Variants in GRAMD1B observed in about 807,000 individuals in gnomAD.
GRAMD1B encodes the protein GRAM domain containing 1B.
GRAMD1B carries 37 observed loss-of-function variants against 99.7 expected under a neutral mutation model. The ratio of observed to expected loss-of-function variants is 0.37; its 90% CI spans 0.29 to 0.49. The LOEUF is 0.49. Ranked by LOEUF, GRAMD1B falls within the 20% of genes least tolerant of loss-of-function variation. The pLI is 0.98. For missense variants in GRAMD1B, 888 were observed against 1,009.2 expected (o/e 0.88, Z 1.63); for synonymous variants, 427 against 387.6 (o/e 1.10, Z -1.19).
chr11:123,492,173 G>A lies in GRAMD1B; in HGVS notation c.452+11280G>A, dbSNP rs140000910. 7.9e-5 allele frequency among the ~76,000 whole-genome samples: 12 copies of A among 152,242 alleles called. No homozygotes were observed. The highest frequency in any genetic ancestry group is 1.2e-4 in the Non-Finnish European group (8 of 68,014). Reference sequence around the variant, plus strand: ...CTCCCAACGAGGTGCCTTGGCCTCCGGGTCCTTCTTCATAACTGGCCAGGG... The same window carrying A: ...CTCCCAACGAGGTGCCTTGGCCTCCAGGTCCTTCTTCATAACTGGCCAGGG... On this transcript the variant is annotated intron_variant, in intron 2 of 19. Transcript: ENST00000635736. The surrounding 1 kb of genome is among the most constrained non-coding windows in gnomAD (Gnocchi z 4.2).
chr11:123,613,185 G>A (rs2137004861), intron 15 of GRAMD1B: 1 of 559,012 alleles, frequency 1.8e-6, no homozygotes, highest in East Asian at 2.9e-5. Context: ...GCCTGTGAAT[G>A]CATCTATTTA....
chr11:123,612,823 A>G lies in GRAMD1B; in HGVS notation c.1982A>G (p.Lys661Arg), dbSNP rs776874803. Reference sequence around the variant, plus strand: ...GGGTTAGTGAAAACGTTCATCGAGAAGAACTTCTGGAGTGGGCTGGAGGAC... The same window carrying G: ...GGGTTAGTGAAAACGTTCATCGAGAGGAACTTCTGGAGTGGGCTGGAGGAC... ...PWGLVKTFIE[K>R]NFWSGLEDYF... The change falls in exon 15 of 20, where the codon AAG becomes AGG. Residue 661 changes from lysine (K) to arginine (R), a missense_variant. Coordinates refer to ENST00000635736, the MANE Select transcript of GRAMD1B (RefSeq NM_001387025.1). 6.2e-7 allele frequency: 1 copy of G among 1,612,314 alleles called. No homozygotes were observed.
At chr11:123,574,705 T>C (rs1283335324) in intron 2 of GRAMD1B, among the ~76,000 whole-genome samples, 1 of 152,156 alleles carries the variant, frequency 6.6e-6, no homozygotes, top group African/African-American at 2.4e-5. Flanking sequence ...TGTGGGGCAC[T>C]CATGAGACAT....
intron 2 of GRAMD1B, among the ~76,000 whole-genome samples, chr11:123,516,247 G>A (rs1226687106): frequency 1.3e-5 from 2 of 152,174 alleles, no homozygotes; most frequent in Non-Finnish European, 2.9e-5. Flanking sequence ...TCACAAAATG[G>A]ATGGAAGCTG....
intron 1 of GRAMD1B, among the ~76,000 whole-genome samples, chr11:123,420,679 C>CA (rs1204227827): frequency 6.6e-6 from 1 of 152,196 alleles, no homozygotes; most frequent in Non-Finnish European, 1.5e-5. Flanking sequence ...CATGTCTTCA[C>CA]AAACGATGAC....
intron 1 of GRAMD1B, among the ~76,000 whole-genome samples, chr11:123,413,512 AT>A (rs61376053): frequency 0.021 from 3,089 of 149,580 alleles, 135 homozygotes; most frequent in East Asian, 0.12. Context: ...ATTTGCCCAT[AT>A]TTTTTTTTTA....
chr11:123,491,927 C>T (rs1034763203), intron 2 of GRAMD1B: 1 of 399,130 alleles, frequency 2.5e-6, no homozygotes, highest in Non-Finnish European at 4.4e-6. Flanking sequence ...ACGTCTCCTC[C>T]CTGAGGAAGA....
chr11:123,379,752 G>A (rs189505352), intron 1 of GRAMD1B, among the ~76,000 whole-genome samples: 1 of 152,128 alleles, frequency 6.6e-6, no homozygotes. Flanking sequence ...TTGAGTGACC[G>A]CCAGACTATT....
intron 1 of GRAMD1B, among the ~76,000 whole-genome samples, chr11:123,367,308 G>A (rs1042798430): frequency 1.3e-5 from 2 of 152,188 alleles, no homozygotes; most frequent in Non-Finnish European, 2.9e-5. Flanking sequence ...GAAGATAAAC[G>A]TAAAGCAGAA....
At chr11:123,589,614 T>TATATATATATATATA (rs1555089174) in intron 4 of GRAMD1B, among the ~76,000 whole-genome samples, 49 of 128,256 alleles carry the variant, frequency 3.8e-4, no homozygotes, top group East Asian at 6.5e-4. Flanking sequence ...TGGCTAATTT[T>TATATATATATATATA]TATATATATA....
rs1245782413 is a variant in GRAMD1B, at chr11:123,624,376, C to T, written c.*1781C>T. 6.6e-6 allele frequency: 1 copy of T among 152,202 alleles called. No homozygotes were observed. Among genetic ancestry groups the T allele is most frequent in the East Asian group, 1.9e-4 (1 of 5,194 alleles). 9.4% of individuals were successfully genotyped at this position (152,202 alleles called of 1,614,324 possible). On this transcript the variant is annotated 3_prime_UTR_variant, in exon 20 of 20. Coordinates refer to ENST00000635736, the MANE Select transcript of GRAMD1B (RefSeq NM_001387025.1). ...GTGAGAATAAGGCCTTGGTATTTCCCTAAGGGCAGGATCAGAAAACAGGAA... is the reference window on the plus strand; with the variant it reads ...GTGAGAATAAGGCCTTGGTATTTCCTTAAGGGCAGGATCAGAAAACAGGAA...
chr11:123,390,062 T>A (rs1947218343), intron 1 of GRAMD1B, among the ~76,000 whole-genome samples: 1 of 150,476 alleles, frequency 6.6e-6, no homozygotes, highest in Admixed American at 6.6e-5. Flanking sequence ...TGGCCACAGC[T>A]TTTTTGTAAA....
At chr11:123,502,774 CAAAAA>C (rs34321315) in intron 2 of GRAMD1B, among the ~76,000 whole-genome samples, 1 of 98,520 alleles carries the variant, frequency 1.0e-5, no homozygotes, top group Non-Finnish European at 2.0e-5. Context: ...GACTCCATCT[CAAAAA>C]AAAAAAAAAA....
chr11:123,432,537 C>A (rs1356458888), intron 1 of GRAMD1B, among the ~76,000 whole-genome samples: 1 of 136,456 alleles, frequency 7.3e-6, no homozygotes, highest in African/African-American at 2.8e-5. Context: ...GCCTGGGCCA[C>A]AGAGTGAGAC....
intron 2 of GRAMD1B, among the ~76,000 whole-genome samples, chr11:123,497,578 T>C (rs985513223): frequency 1.3e-5 from 2 of 152,090 alleles, no homozygotes; most frequent in African/African-American, 2.4e-5. Flanking sequence ...TAAAAAACCT[T>C]AGAAATTTAC....
At chr11:123,443,501 A>G (rs1280530567) in intron 1 of GRAMD1B, among the ~76,000 whole-genome samples, 3 of 152,168 alleles carry the variant, frequency 2.0e-5, no homozygotes, top group Non-Finnish European at 4.4e-5. Flanking sequence ...TGGTCCAGAA[A>G]GGTTGAACAG....
At chr11:123,451,702 G>A (rs934760906) in intron 1 of GRAMD1B, among the ~76,000 whole-genome samples, 5 of 152,194 alleles carry the variant, frequency 3.3e-5, no homozygotes, top group Non-Finnish European at 7.3e-5. Context: ...CTGCCAGAGA[G>A]AGGAGAGTCC....
chr11:123,503,156 G>A (rs990926595), intron 2 of GRAMD1B, among the ~76,000 whole-genome samples: 2 of 152,242 alleles, frequency 1.3e-5, no homozygotes, highest in African/African-American at 2.4e-5. Flanking sequence ...CCTGGCAATA[G>A]GACATTTGTG....
intron 2 of GRAMD1B, among the ~76,000 whole-genome samples, chr11:123,548,325 TACAC>T (rs138083511): frequency 1.7e-4 from 15 of 86,900 alleles, no homozygotes; most frequent in East Asian, 1.2e-3. Flanking sequence ...TATATATATA[TACAC>T]ACACACACAC....
Sources: allele counts gnomAD v4.1 joint callset (sites outside exome capture counted in the v4.1 genomes callset), GRCh38; gene constraint gnomAD v4.1.1; non-coding constraint Gnocchi (gnomAD v3.1); transcripts MANE v1.5; gene names NCBI Gene and HGNC (gene_info 2026-07-23, HGNC 2026-07-21).